Variants in SPTA1 observed in about 807,000 individuals in gnomAD.
The protein encoded by SPTA1 is spectrin alpha chain, erythrocytic 1.
Under a neutral mutation model 324.7 loss-of-function variants are expected in SPTA1, and 177 were observed. That is an observed-to-expected ratio of 0.55 (90% CI 0.48 to 0.62). The LOEUF (loss-of-function observed/expected upper bound fraction) is 0.62, where lower values mean the gene tolerates loss of function less well. Ranked by LOEUF, SPTA1 falls within the 20% of genes least tolerant of loss-of-function variation. The pLI is 0.00. For missense variants in SPTA1, 3,162 were observed against 2,883.6 expected, an observed-to-expected ratio of 1.10 and a Z score of -2.21; for synonymous variants, 1,195 against 1,041.3, an observed-to-expected ratio of 1.15 and a Z score of -2.84.
rs373400656 is a variant in SPTA1, at chr1:158,612,887, T to C, written c.7064A>G (p.Asp2355Gly). Residue 2355 changes from aspartate to glycine, a missense_variant, in exon 51 of 52, where the codon GAT (aspartate) becomes GGT (glycine). Transcript: ENST00000643759. ...GGCTTGGAAGGCATTCTCTATTTCA[T>C]CACTGGACTTGATGTTTTCTGACTC... is the stretch of plus-strand genomic sequence containing the variant. ...DKESENIKSS[D>G]EIENAFQALA... The C allele has an allele frequency of 2.5e-6, 4 of 1,613,848 alleles. No individual in the cohort carries two copies. In the African/African-American group the frequency reaches 4.0e-5, roughly 16 times the overall value.
Position 158,669,706 on chromosome 1 carries a change from T to C in SPTA1, c.1677+3A>G. ...CACAGAAGCTCTAGGCCCTTGGACATACCCCGTCACGGATAGCCTTGATGT... is the reference window on the plus strand; with the variant it reads ...CACAGAAGCTCTAGGCCCTTGGACACACCCCGTCACGGATAGCCTTGATGT... On this transcript the variant is annotated splice_donor_region_variant and intron_variant, in intron 13 of 51. Coordinates refer to ENST00000643759, the MANE Select transcript of SPTA1 (RefSeq NM_003126.4). 8.1e-6 allele frequency: 13 copies of C among 1,614,152 alleles called. No individual in the cohort carries two copies. Among genetic ancestry groups the C allele is most frequent in the Non-Finnish European group, 1.1e-5 (13 of 1,180,004 alleles).
At chr1:158,685,548 A>G (rs1029549675) in intron 1 of SPTA1, among the ~76,000 whole-genome samples, 2 of 152,150 alleles carry the variant, frequency 1.3e-5, no homozygotes, top group Non-Finnish European at 2.9e-5. Context: ...AAAATTCTTG[A>G]TTATCCAGAA....
intron 23 of SPTA1, 121 bp downstream of exon 23, chr1:158,652,346 T>G: frequency 1.8e-6 from 2 of 1,136,478 alleles, no homozygotes; most frequent in Non-Finnish European, 2.6e-6. Context: ...AGCCACAGAG[T>G]TGCCAATAGC....
At chr1:158,628,014 G>A (rs556447647) in intron 39 of SPTA1, among the ~76,000 whole-genome samples, 1 of 152,120 alleles carries the variant, frequency 6.6e-6, no homozygotes, top group Non-Finnish European at 1.5e-5. Context: ...TTTGACTGGG[G>A]TCGTATATAA....
chr1:158,618,332 T>C (rs1649702427), intron 45 of SPTA1, among the ~76,000 whole-genome samples: 1 of 152,158 alleles, frequency 6.6e-6, no homozygotes, highest in African/African-American at 2.4e-5. Flanking sequence ...TGTGATGAAG[T>C]CACCAAGAAA....
At chr1:158,622,325 A>G (rs1467479103) in intron 43 of SPTA1, among the ~76,000 whole-genome samples, 2 of 152,050 alleles carry the variant, frequency 1.3e-5, no homozygotes, top group Non-Finnish European at 2.9e-5. Flanking sequence ...CATATTTATT[A>G]TGTATTATTA....
chr1:158,643,716 A>T (rs1288252661), intron 30 of SPTA1, among the ~76,000 whole-genome samples: 5 of 152,208 alleles, frequency 3.3e-5, no homozygotes, highest in Non-Finnish European at 5.9e-5. Context: ...CTATTTAATC[A>T]ATCCTAAAAG....
At chr1:158,676,432 A>T (rs1654399343) in intron 7 of SPTA1, 137 bp from the exon 8 acceptor site, 1 of 884,586 alleles carries the variant, frequency 1.1e-6, no homozygotes, top group South Asian at 1.6e-5. Context: ...TTCTATTAAT[A>T]TACTAATGTA....
Position 158,662,969 on chromosome 1 carries a change from C to A in SPTA1, c.2221-24G>T, listed in dbSNP as rs138471111. The A allele has an allele frequency of 7.4e-6, 12 of 1,613,322 alleles. No individual in the cohort carries two copies. The highest frequency in any genetic ancestry group is 1.7e-4 in the Middle Eastern group (1 of 5,988). The stretch of plus-strand genomic sequence containing the variant: ...TCCTAAGGGAGAAATAGAATGAATG[C>A]GAAGAAATCCCATCATTTAGTAGGA... On this transcript the variant is annotated intron_variant, in intron 16 of 51. Transcript: ENST00000643759.
At chr1:158,674,771 G>A (rs1271926981) in intron 8 of SPTA1, 96 bp from the exon 9 acceptor site, 4 of 1,496,476 alleles carry the variant, frequency 2.7e-6, no homozygotes. Flanking sequence ...AGATGTGTGA[G>A]ATGCTCCTTA....
Position 158,622,969 on chromosome 1 carries a change from T to G in SPTA1, c.6120+14A>C, listed in dbSNP as rs748989449. ...GTAACAGAGAACTGATCATGCCTCA[T>G]AATTTTTTTAAACCTTCTGTAGAGG... On this transcript the variant is annotated intron_variant, in intron 43 of 51. Coordinates refer to ENST00000643759, the MANE Select transcript of SPTA1 (RefSeq NM_003126.4). 1 of 1,610,176 alleles carries G rather than the reference T, an allele frequency of 6.2e-7. No homozygotes were observed. Among genetic ancestry groups the G allele is most frequent in the South Asian group, 1.1e-5 (1 of 90,976 alleles).
At chr1:158,658,291 C>G (rs1228969590) in intron 18 of SPTA1, among the ~76,000 whole-genome samples, 1 of 152,136 alleles carries the variant, frequency 6.6e-6, no homozygotes, top group Admixed American at 6.5e-5. Context: ...TTGGGAAAGA[C>G]AAGAGAACTA....
At chr1:158,664,056 C>T (rs1251207326) in intron 16 of SPTA1, among the ~76,000 whole-genome samples, 3 of 152,130 alleles carry the variant, frequency 2.0e-5, no homozygotes, top group Non-Finnish European at 4.4e-5. Flanking sequence ...AAATTAAAGG[C>T]CTTACACTTT....
At chr1:158,661,758 T>C (rs1458460899) in intron 17 of SPTA1, among the ~76,000 whole-genome samples, 1 of 152,216 alleles carries the variant, frequency 6.6e-6, no homozygotes, top group Admixed American at 6.5e-5. Context: ...GGAAGGAACT[T>C]CTACTTGCTA....
intron 30 of SPTA1, 25 bp from the exon 31 acceptor site, chr1:158,643,450 C>T (rs774627675): frequency 6.2e-7 from 1 of 1,606,848 alleles, no homozygotes; most frequent in Non-Finnish European, 8.5e-7. Flanking sequence ...AGGAAAGAGC[C>T]CAGATGCTTG....
At position 158,634,577 on chromosome 1, in the gene SPTA1, C is replaced by T. The variant is rs371114338; in HGVS notation, c.5531G>A (p.Arg1844Gln). 45 of 1,614,012 alleles carry T rather than the reference C, an allele frequency of 2.8e-5. No individual in the cohort carries two copies. The highest frequency in any genetic ancestry group is 1.6e-4 in the Middle Eastern group (1 of 6,084). The change falls in exon 39 of 52, where the codon CGA becomes CAA. Residue 1844 changes from arginine to glutamine, a missense_variant. Transcript: ENST00000643759. ...AGCTAATGTATCTCCACAATCTCCT[C>T]GGACAGCCAAAGCATTCTTTTCATT... ...WINEKNALAV[R>Q]GDCGDTLAAT...
chr1:158,677,515 T>C (rs1342773995), intron 7 of SPTA1, among the ~76,000 whole-genome samples, 175 bp downstream of exon 7: 1 of 152,208 alleles, frequency 6.6e-6, no homozygotes, highest in Non-Finnish European at 1.5e-5. Context: ...GTATATCCAG[T>C]ATCCACATAC....
intron 1 of SPTA1, among the ~76,000 whole-genome samples, chr1:158,686,039 C>T (rs1336265331): frequency 1.3e-5 from 2 of 152,180 alleles, no homozygotes; most frequent in Non-Finnish European, 2.9e-5. Flanking sequence ...TGACAATATC[C>T]AGCAAAATCA....
chr1:158,629,153 GAT>G (rs1160603588), intron 39 of SPTA1, among the ~76,000 whole-genome samples: 2 of 150,864 alleles, frequency 1.3e-5, no homozygotes, highest in East Asian at 2.0e-4. Context: ...TAGATAGATA[GAT>G]AGATATGTCT....
Sources: gnomAD v4.1 joint callset for allele counts (sites outside exome capture counted in the v4.1 genomes callset) on GRCh38, gnomAD v4.1.1 for gene constraint, MANE v1.5 for transcripts, NCBI Gene and HGNC (gene_info 2026-07-23, HGNC 2026-07-21) for gene names.